The following PLA2G4A variants were observed in gnomAD, a reference collection of about 807,000 sequenced individuals.
PLA2G4A encodes the protein phospholipase A2 group IVA, also known as cytosolic phospholipase A2.
Under a neutral mutation model 81.9 loss-of-function variants are expected in PLA2G4A, and 40 were observed. That is an observed-to-expected ratio of 0.49 (90% CI 0.38 to 0.64). PLA2G4A has a LOEUF of 0.64. Among genes scored for constraint, PLA2G4A ranks in the 30% least tolerant of loss-of-function variants. The probability of loss-of-function intolerance (pLI) is 0.00; values close to 1 mark genes in which losing one functional copy is unlikely to be tolerated. For missense variants in PLA2G4A, 715 were observed against 905.1 expected (o/e 0.79, Z 2.69); for synonymous variants, 302 against 296.9 (o/e 1.02, Z -0.18).
chr1:186,982,135 C>A (rs1657742252), intron 17 of PLA2G4A, among the ~76,000 whole-genome samples: 1 of 152,056 alleles, frequency 6.6e-6, no homozygotes, highest in African/African-American at 2.4e-5. Flanking sequence ...TGACTTTGAC[C>A]CTGGGAAATA....
intron 7 of PLA2G4A, among the ~76,000 whole-genome samples, chr1:186,918,862 TG>T (rs953030949): frequency 2.6e-5 from 4 of 152,214 alleles, no homozygotes; most frequent in African/African-American, 9.6e-5. Context: ...TACCACAGCA[TG>T]GGGGGCCTTT....
chr1:186,940,458 A>G (rs2102220824), intron 10 of PLA2G4A, among the ~76,000 whole-genome samples: 1 of 152,286 alleles, frequency 6.6e-6, no homozygotes, highest in South Asian at 2.1e-4. Context: ...TTAATTGGGT[A>G]ATATGATCTA....
intron 7 of PLA2G4A, among the ~76,000 whole-genome samples, chr1:186,912,085 C>T (rs896381177): frequency 3.3e-5 from 5 of 152,118 alleles, no homozygotes; most frequent in Non-Finnish European, 5.9e-5. Flanking sequence ...GAATGATGTG[C>T]GCACCCATTG....
chr1:186,851,437 G>A (rs991172832), intron 1 of PLA2G4A, among the ~76,000 whole-genome samples: 5 of 151,960 alleles, frequency 3.3e-5, no homozygotes, highest in African/African-American at 1.2e-4. Context: ...AATGAGGCAG[G>A]TGATTTTATG....
chr1:186,906,820 C>A (rs1654754122), intron 5 of PLA2G4A, 145 bp from the exon 6 acceptor site: 1 of 569,246 alleles, frequency 1.8e-6, no homozygotes. Flanking sequence ...TTAGGGTCTT[C>A]ATGGAGCTGT....
chr1:186,941,679 T>C (rs557961925), intron 10 of PLA2G4A, among the ~76,000 whole-genome samples: 1 of 152,312 alleles, frequency 6.6e-6, no homozygotes, highest in Admixed American at 6.5e-5. Flanking sequence ...GTGATTACCG[T>C]CTATATAGAT....
rs568272354 is a variant in PLA2G4A, at chr1:186,947,240, A to G, written c.1264+279A>G. ...CCTTTTTCGCATTATACTGCTAAAC[A>G]TACTATTTGTATTAGAAAGTCCTCT... On this transcript the variant is annotated intron_variant, in intron 12 of 17. Transcript: ENST00000367466. 7.2e-4 allele frequency among the ~76,000 whole-genome samples: 110 copies of G among 152,270 alleles called. 2 individuals are homozygous for G. The highest frequency in any genetic ancestry group is 2.6e-3 in the African/African-American group (108 of 41,588).
At chr1:186,880,997 A>G (rs1178264611) in intron 3 of PLA2G4A, among the ~76,000 whole-genome samples, 1 of 152,038 alleles carries the variant, frequency 6.6e-6, no homozygotes, top group Non-Finnish European at 1.5e-5. Flanking sequence ...GAATATCAAC[A>G]TCTTTGCAAT....
chr1:186,966,770 T>G (rs987351420), intron 15 of PLA2G4A, among the ~76,000 whole-genome samples: 2 of 152,204 alleles, frequency 1.3e-5, no homozygotes, highest in Non-Finnish European at 2.9e-5. Flanking sequence ...ATGGTTAAAG[T>G]GCATAGGACT....
chr1:186,848,236 C>G (rs556289762), intron 1 of PLA2G4A, among the ~76,000 whole-genome samples: 1 of 152,232 alleles, frequency 6.6e-6, no homozygotes, highest in African/African-American at 2.4e-5. Flanking sequence ...AAAGACTCAG[C>G]TTTAACATGT....
rs12720691 is a variant in PLA2G4A, at chr1:186,979,316, T to G, written c.1962T>G (p.Gly654=). Residue 654 remains glycine, a splice_region_variant and synonymous_variant, in exon 17 of 18, where the codon GGT becomes GGG. Coordinates refer to ENST00000367466, the MANE Select transcript of PLA2G4A (RefSeq NM_024420.3). ...NINFRKYRAP[G]VPRETEEEKE... ...CTTTGTGACTCTTCTGGTATTTAGG[T>G]GTTCCAAGGGAAACTGAGGAAGAGA... 602 of 1,608,282 alleles carry G rather than the reference T, an allele frequency of 3.7e-4. 7 individuals carry two copies. In the East Asian group the frequency reaches 9.2e-3, roughly 25 times the overall value.
chr1:186,885,744 A>C (rs534360725), intron 3 of PLA2G4A, among the ~76,000 whole-genome samples: 36 of 152,300 alleles, frequency 2.4e-4, no homozygotes, highest in African/African-American at 7.9e-4. Context: ...AAAATTTTAA[A>C]CTGAAAAACA....
intron 1 of PLA2G4A, among the ~76,000 whole-genome samples, chr1:186,834,447 G>A (rs1421911509): frequency 6.6e-6 from 1 of 151,382 alleles, no homozygotes. Context: ...TAAATATATT[G>A]GTTTATATTT....
intron 2 of PLA2G4A, among the ~76,000 whole-genome samples, chr1:186,857,754 C>G (rs1360679562): frequency 6.6e-6 from 1 of 151,706 alleles, no homozygotes; most frequent in African/African-American, 2.4e-5. Flanking sequence ...CTTCCCCAGC[C>G]CCCCACACCC....
intron 1 of PLA2G4A, among the ~76,000 whole-genome samples, chr1:186,844,677 C>T (rs192872497): frequency 6.6e-6 from 1 of 152,194 alleles, no homozygotes; most frequent in East Asian, 1.9e-4. Flanking sequence ...AGGAGATATA[C>T]CTAATGTTAA....
At chr1:186,900,301 T>C (rs1571381226) in intron 5 of PLA2G4A, among the ~76,000 whole-genome samples, 2 of 152,170 alleles carry the variant, frequency 1.3e-5, no homozygotes, top group Non-Finnish European at 2.9e-5. Context: ...ACCTCTTAGG[T>C]TGTGGTTATA....
chr1:186,863,676 T>C (rs1327157130), intron 2 of PLA2G4A, among the ~76,000 whole-genome samples: 1 of 152,162 alleles, frequency 6.6e-6, no homozygotes, highest in Non-Finnish European at 1.5e-5. Context: ...ACCACTATCT[T>C]ACTCTCTACT....
intron 5 of PLA2G4A, among the ~76,000 whole-genome samples, chr1:186,899,783 A>T (rs1654473958): frequency 6.6e-6 from 1 of 152,172 alleles, no homozygotes; most frequent in African/African-American, 2.4e-5. Context: ...GTTGATACTG[A>T]AAATGAAAAG....
chr1:186,885,755 C>A (rs1436788380), intron 3 of PLA2G4A, among the ~76,000 whole-genome samples: 2 of 151,840 alleles, frequency 1.3e-5, no homozygotes, highest in African/African-American at 4.8e-5. Flanking sequence ...CTGAAAAACA[C>A]AAGAAATTAA....
Sources: gnomAD v4.1 joint callset for allele counts (sites outside exome capture counted in the v4.1 genomes callset) on GRCh38, gnomAD v4.1.1 for gene constraint, MANE v1.5 for transcripts, NCBI Gene and HGNC (gene_info 2026-07-23, HGNC 2026-07-21) for gene names.